CNTNAP2: variants seen among roughly 807,000 people sequenced by gnomAD.
The protein encoded by CNTNAP2 is contactin-associated protein-like 2.
Under a neutral mutation model 155.2 loss-of-function variants are expected in CNTNAP2, and 98 were observed. The ratio of observed to expected loss-of-function variants is 0.63; its 90% CI spans 0.54 to 0.75. CNTNAP2 has a LOEUF of 0.75. Among genes scored for constraint, CNTNAP2 ranks in the 30% least tolerant of loss-of-function variants. The pLI, the probability that CNTNAP2 is intolerant of heterozygous loss-of-function variation, is 0.00. For synonymous variants in CNTNAP2, 651 were observed against 631.2 expected (o/e 1.03, Z -0.47); for missense variants, 1,727 against 1,688.1 (o/e 1.02, Z -0.40).
chr7:146,147,315 C>T (rs1797971426), intron 1 of CNTNAP2, among the ~76,000 whole-genome samples: 1 of 151,882 alleles, frequency 6.6e-6, no homozygotes, highest in Admixed American at 6.6e-5. Context: ...GTAGGCAGTG[C>T]AGCCCAATTG....
chr7:146,754,977 T>G (rs939337230), intron 1 of CNTNAP2, among the ~76,000 whole-genome samples: 6 of 151,960 alleles, frequency 3.9e-5, no homozygotes, highest in African/African-American at 1.4e-4. Flanking sequence ...TTCAAATTTT[T>G]TAAAGACATT....
intron 13 of CNTNAP2, among the ~76,000 whole-genome samples, chr7:147,719,296 T>G (rs1407302857): frequency 6.6e-6 from 1 of 152,074 alleles, no homozygotes; most frequent in Non-Finnish European, 1.5e-5. Context: ...CTCTCTCACA[T>G]TCGATACAAC....
chr7:146,451,805 C>G (rs6945145), intron 1 of CNTNAP2, among the ~76,000 whole-genome samples: 54,369 of 143,756 alleles, frequency 0.38, 12,192 homozygotes, highest in African/African-American at 0.62. Flanking sequence ...AATAAGGTCT[C>G]TTCTATATAT....
intron 1 of CNTNAP2, among the ~76,000 whole-genome samples, chr7:146,288,550 A>C (rs553442672): frequency 4.7e-4 from 71 of 151,940 alleles, no homozygotes; most frequent in Non-Finnish European, 9.6e-4. Flanking sequence ...GTTTTATTTT[A>C]TGCCATTTTA....
chr7:147,717,845 C>A (rs531069843), intron 13 of CNTNAP2, among the ~76,000 whole-genome samples: 1 of 151,982 alleles, frequency 6.6e-6, no homozygotes, highest in Admixed American at 6.6e-5. Flanking sequence ...GGTGCCACTG[C>A]ACTCCAGCCT....
intron 15 of CNTNAP2, among the ~76,000 whole-genome samples, chr7:147,987,197 T>C (rs1246101829): frequency 6.6e-6 from 1 of 152,164 alleles, no homozygotes; most frequent in African/African-American, 2.4e-5. Context: ...CTTTTACAAG[T>C]AGATGGAAGC....
chr7:147,965,841 C>A (rs376758305), intron 14 of CNTNAP2, among the ~76,000 whole-genome samples: 1 of 152,098 alleles, frequency 6.6e-6, no homozygotes, highest in Admixed American at 6.6e-5. Context: ...GCCACCTCAC[C>A]CTGAAGAGTA....
intron 13 of CNTNAP2, among the ~76,000 whole-genome samples, chr7:147,724,990 A>T (rs936439835): frequency 1.3e-5 from 2 of 152,000 alleles, no homozygotes; most frequent in Non-Finnish European, 2.9e-5. Flanking sequence ...AGTCAAAGGG[A>T]CGGCCATTCT....
chr7:146,589,738 A>G (rs115224629), intron 1 of CNTNAP2, among the ~76,000 whole-genome samples: 1,292 of 125,688 alleles, frequency 0.01, 11 homozygotes, highest in African/African-American at 0.033. Flanking sequence ...CCCAGAATGT[A>G]GAGTATAAAA....
chr7:146,148,780 A>G (rs1398437103), intron 1 of CNTNAP2, among the ~76,000 whole-genome samples: 1 of 152,196 alleles, frequency 6.6e-6, no homozygotes, highest in Non-Finnish European at 1.5e-5. Flanking sequence ...ATACATTAAA[A>G]TCATTGATAA....
chr7:147,317,711 T>G (rs954614307), intron 9 of CNTNAP2, among the ~76,000 whole-genome samples: 1 of 152,092 alleles, frequency 6.6e-6, no homozygotes, highest in East Asian at 1.9e-4. Context: ...TTAGGGAGAT[T>G]ATTTGTTTAA....
intron 17 of CNTNAP2, among the ~76,000 whole-genome samples, chr7:148,162,140 T>C (rs1009229237): frequency 3.9e-5 from 6 of 152,098 alleles, no homozygotes; most frequent in African/African-American, 1.4e-4. Context: ...ATAGAGACTT[T>C]AAAAGACAGA....
chr7:147,371,083 C>T (rs577489084), intron 9 of CNTNAP2, among the ~76,000 whole-genome samples: 2 of 152,202 alleles, frequency 1.3e-5, no homozygotes, highest in African/African-American at 4.8e-5. Flanking sequence ...AACCTTAACG[C>T]TAAATTCACC....
chr7:146,862,434 A>T (rs961831992), intron 3 of CNTNAP2, among the ~76,000 whole-genome samples: 1 of 142,150 alleles, frequency 7.0e-6, no homozygotes, highest in Admixed American at 6.7e-5. Flanking sequence ...TTCCTTGTTA[A>T]AAAAAGAAAA....
At chr7:146,486,220 G>A (rs1584947357) in intron 1 of CNTNAP2, among the ~76,000 whole-genome samples, 5 of 151,418 alleles carry the variant, frequency 3.3e-5, no homozygotes, top group Admixed American at 3.3e-4. Flanking sequence ...ACCCGCCACC[G>A]CGCCCGGCTA....
At chr7:146,219,130 A>G (rs930332259) in intron 1 of CNTNAP2, among the ~76,000 whole-genome samples, 10 of 152,272 alleles carry the variant, frequency 6.6e-5, no homozygotes, top group African/African-American at 2.2e-4. Context: ...ATTGCCATTT[A>G]TAAGACCATC....
intron 1 of CNTNAP2, among the ~76,000 whole-genome samples, chr7:146,699,676 A>G (rs1800842169): frequency 6.6e-6 from 1 of 152,098 alleles, no homozygotes; most frequent in Non-Finnish European, 1.5e-5. Flanking sequence ...TGTTAAGAAC[A>G]GGATTTCTAG....
At chr7:147,679,857 A>G (rs1378742988) in intron 13 of CNTNAP2, among the ~76,000 whole-genome samples, 2 of 151,990 alleles carry the variant, frequency 1.3e-5, no homozygotes, top group Non-Finnish European at 2.9e-5. Context: ...TAAACCCCAA[A>G]TCTAAAATCA....
chr7:146,620,001 C>G (rs1799291366), intron 1 of CNTNAP2, among the ~76,000 whole-genome samples: 1 of 152,064 alleles, frequency 6.6e-6, no homozygotes, highest in Admixed American at 6.5e-5. Flanking sequence ...AACAGAGTAA[C>G]TAGTATTTCA....
Sources: allele counts gnomAD v4.1 joint callset (sites outside exome capture counted in the v4.1 genomes callset), GRCh38; gene constraint gnomAD v4.1.1; transcripts MANE v1.5; gene names NCBI Gene and HGNC (gene_info 2026-07-23, HGNC 2026-07-21).